The following LRRC8B variants were observed in gnomAD, a reference collection of about 807,000 sequenced individuals.
LRRC8B encodes the protein volume-regulated anion channel subunit LRRC8B.
Under a neutral mutation model 58.8 loss-of-function variants are expected in LRRC8B, and 23 were observed. The ratio of observed to expected loss-of-function variants is 0.39; its 90% CI spans 0.28 to 0.55. LRRC8B has a LOEUF of 0.55. Among genes scored for constraint, LRRC8B ranks in the 20% least tolerant of loss-of-function variants. LRRC8B has a pLI of 0.62. For synonymous variants in LRRC8B, 359 were observed against 374.1 expected (o/e 0.96, Z 0.47); for missense variants, 694 against 936.0 (o/e 0.74, Z 3.37).
intron 2 of LRRC8B, 43 bp from the exon 3 acceptor site, chr1:89,568,396 A>G (rs759890655): frequency 6.6e-5 from 10 of 152,170 alleles, no homozygotes; most frequent in South Asian, 6.2e-4. Context: ...TTGCAGTCCT[A>G]TGATGCGTAA....
At chr1:89,559,447 A>C (rs1652439977) in intron 1 of LRRC8B, among the ~76,000 whole-genome samples, 1 of 152,004 alleles carries the variant, frequency 6.6e-6, no homozygotes, top group South Asian at 2.1e-4. Flanking sequence ...GAGTTTCAGC[A>C]ACATTGTGAG....
At chr1:89,581,522 A>G (rs1654224618) in intron 4 of LRRC8B, among the ~76,000 whole-genome samples, 1 of 152,172 alleles carries the variant, frequency 6.6e-6, no homozygotes, top group African/African-American at 2.4e-5. Flanking sequence ...ACTCTGTGCC[A>G]TCTTATAGAT....
chr1:89,591,569 G>A (rs1437587397), intron 5 of LRRC8B, among the ~76,000 whole-genome samples: 1 of 152,200 alleles, frequency 6.6e-6, no homozygotes, highest in Non-Finnish European at 1.5e-5. Context: ...AGGATATACA[G>A]CACTGAACGT....
rs1025782503 is a variant in LRRC8B at position 89,595,906 on chromosome 1, G to A, written c.*2863G>A. ...GGCATTTGATTTCAAGAATACATAT[G>A]CATTTTCCAAAAAATAAATGTGGAG... On this transcript the variant is annotated 3_prime_UTR_variant, in exon 6 of 6. Coordinates refer to ENST00000330947, the MANE Select transcript of LRRC8B (RefSeq NM_001369817.2). 7 of 152,072 alleles carry A rather than the reference G, an allele frequency of 4.6e-5. No individual in the cohort carries two copies. Among genetic ancestry groups the A allele is most frequent in the Non-Finnish European group, 8.8e-5 (6 of 67,960 alleles). 9.4% of individuals were successfully genotyped at this position (152,072 alleles called of 1,614,324 possible). A position where few individuals can be genotyped will look rare whatever the true frequency, so the allele number is the denominator to read the frequency against.
intron 1 of LRRC8B, among the ~76,000 whole-genome samples, chr1:89,540,507 T>A (rs11584592): frequency 0.054 from 8,231 of 152,270 alleles, 265 homozygotes; most frequent in African/African-American, 0.082. Flanking sequence ...AGTGTAACCT[T>A]CCCCAGTCAT....
chr1:89,566,960 T>C (rs1386156289), intron 1 of LRRC8B, among the ~76,000 whole-genome samples: 1 of 152,202 alleles, frequency 6.6e-6, no homozygotes, highest in African/African-American at 2.4e-5. Flanking sequence ...TTAGGTTATC[T>C]TGGAATTGAC....
At position 89,541,330 on chromosome 1, in the gene LRRC8B, A is replaced by T. The variant is rs944996193; in HGVS notation, c.-241+16308A>T. On this transcript the variant is annotated intron_variant, in intron 1 of 5. Transcript: ENST00000330947. ...CTGTTCTCTAAAACCTCCTGGGCAG[A>T]GAGAGTTCCCATCACTTTTGATGTT... is the stretch of plus-strand genomic sequence containing the variant. Among the ~76,000 whole-genome samples, 10 of 152,198 alleles carry T rather than the reference A, an allele frequency of 6.6e-5. 1 individual carries two copies. Among genetic ancestry groups the T allele is most frequent in the Non-Finnish European group, 2.9e-5 (2 of 68,036 alleles).
Position 89,593,305 on chromosome 1 carries a change from A to T in LRRC8B, c.*262A>T. The stretch of plus-strand genomic sequence containing the variant: ...CGCAGGGGAATTGCTTGAACCAGGG[A>T]GGTGGAGGTTGCAGTGAGCCGAGAT... On this transcript the variant is annotated 3_prime_UTR_variant, in exon 6 of 6. Transcript: ENST00000330947. 4 of 347,964 alleles carry T rather than the reference A, an allele frequency of 1.1e-5. No individual in the cohort carries two copies. The highest frequency in any genetic ancestry group is 4.1e-5 in the Admixed American group (1 of 24,176). 21.6% of individuals were successfully genotyped at this position (347,964 alleles called of 1,614,324 possible).
intron 1 of LRRC8B, among the ~76,000 whole-genome samples, chr1:89,546,684 G>A (rs1356834934): frequency 2.0e-5 from 3 of 152,156 alleles, no homozygotes; most frequent in South Asian, 2.1e-4. Context: ...TAATCACAAA[G>A]GCATCTGACT....
At chr1:89,537,343 G>C (rs991075031) in intron 1 of LRRC8B, among the ~76,000 whole-genome samples, 7 of 152,200 alleles carry the variant, frequency 4.6e-5, no homozygotes, top group African/African-American at 1.7e-4. Flanking sequence ...GAGTGTCGGT[G>C]TTCCAGCAGA....
At chr1:89,527,460 C>T (rs1185741098) in intron 1 of LRRC8B, among the ~76,000 whole-genome samples, 1 of 152,222 alleles carries the variant, frequency 6.6e-6, no homozygotes, top group Admixed American at 6.5e-5. Flanking sequence ...TTCTCCACTG[C>T]TATCCTGACT....
intron 1 of LRRC8B, among the ~76,000 whole-genome samples, chr1:89,533,076 A>G (rs1650259529): frequency 6.6e-6 from 1 of 152,168 alleles, no homozygotes. Context: ...TTCCAGGAAC[A>G]CTGCCAGTTA....
intron 5 of LRRC8B, among the ~76,000 whole-genome samples, chr1:89,589,909 A>G (rs1054066713): frequency 6.2e-5 from 9 of 144,596 alleles, no homozygotes; most frequent in Non-Finnish European, 1.3e-4. Flanking sequence ...GGGGACTTCA[A>G]TTCATTTTGC....
At chr1:89,573,083 G>A (rs1470439163) in intron 3 of LRRC8B, among the ~76,000 whole-genome samples, 1 of 152,036 alleles carries the variant, frequency 6.6e-6, no homozygotes, top group South Asian at 2.1e-4. Context: ...GGCGGATCAC[G>A]AGGTCAGGAG....
chr1:89,526,256 C>T (rs1233952116), intron 1 of LRRC8B, among the ~76,000 whole-genome samples: 1 of 152,198 alleles, frequency 6.6e-6, no homozygotes, highest in East Asian at 1.9e-4. Context: ...ACTCTGTCGC[C>T]CAGGCTGGAG....
At chr1:89,536,641 C>A (rs1341319633) in intron 1 of LRRC8B, among the ~76,000 whole-genome samples, 1 of 152,142 alleles carries the variant, frequency 6.6e-6, no homozygotes. Context: ...GGTGTAATGT[C>A]ATGCAATAAA....
intron 1 of LRRC8B, among the ~76,000 whole-genome samples, chr1:89,564,885 A>G (rs1040652367): frequency 6.6e-6 from 1 of 152,186 alleles, no homozygotes; most frequent in Non-Finnish European, 1.5e-5. Flanking sequence ...AAATGTTTGT[A>G]TTTGGTGGTC....
intron 1 of LRRC8B, among the ~76,000 whole-genome samples, chr1:89,532,353 C>T (rs989211957): frequency 2.4e-4 from 36 of 152,138 alleles, no homozygotes; most frequent in African/African-American, 8.5e-4. Flanking sequence ...GTGCCAAAAC[C>T]GCTGCATGTG....
chr1:89,586,576 G>T (rs1654637855), intron 5 of LRRC8B, among the ~76,000 whole-genome samples: 1 of 152,148 alleles, frequency 6.6e-6, no homozygotes, highest in Non-Finnish European at 1.5e-5. Context: ...GAGACCATTA[G>T]TACTTTTGAC....
Sources: gnomAD v4.1 joint callset for allele counts (sites outside exome capture counted in the v4.1 genomes callset) on GRCh38, gnomAD v4.1.1 for gene constraint, MANE v1.5 for transcripts, NCBI Gene and HGNC (gene_info 2026-07-23, HGNC 2026-07-21) for gene names.